The following ECSIT variants were observed in gnomAD, a reference collection of about 807,000 sequenced individuals.
The protein encoded by ECSIT is evolutionarily conserved signaling intermediate in Toll pathway, mitochondrial.
A neutral mutation model predicts 36.8 loss-of-function variants in ECSIT; 29 were observed. The observed-to-expected ratio is 0.79, with a 90% CI of 0.59 to 1.08. The LOEUF is 1.08. ECSIT is among the 50% of genes least tolerant of loss of function. ECSIT has a pLI of 0.00. For synonymous variants in ECSIT, 231 were observed against 234.8 expected (o/e 0.98, Z 0.15); for missense variants, 542 against 581.0 (o/e 0.93, Z 0.69).
In ECSIT at chr19:11,519,188, A is replaced by C; in HGVS notation, c.-18T>G. 6.5e-7 allele frequency: 1 copy of C among 1,543,880 alleles called. No homozygotes were observed. Among genetic ancestry groups the C allele is most frequent in the Admixed American group, 2.0e-5 (1 of 50,970 alleles). ...CAGCTCATGCCTCTGCTTGTCAGAC[A>C]ATCACCTGGCCCAAAAGAAGATTCA... On this transcript the variant is annotated 5_prime_UTR_variant, in exon 2 of 8. It adds an upstream start codon to the 5' untranslated region. Transcript: ENST00000270517. The surrounding 1 kb of genome is among the most constrained non-coding windows in gnomAD (Gnocchi z 4.4).
chr19:11,517,376 A>G (rs1285874824), intron 2 of ECSIT, among the ~76,000 whole-genome samples: 1 of 151,848 alleles, frequency 6.6e-6, no homozygotes, highest in Non-Finnish European at 1.5e-5. Flanking sequence ...CGGGTGGATC[A>G]CTTGAGGTCA....
intron 2 of ECSIT, among the ~76,000 whole-genome samples, chr19:11,518,341 C>T (rs774745203): frequency 1.6e-4 from 25 of 152,014 alleles, no homozygotes; most frequent in Non-Finnish European, 2.6e-4. Flanking sequence ...GCAGGAGAAT[C>T]ACTTGAACCC....
intron 7 of ECSIT, 120 bp downstream of exon 7, chr19:11,507,337 C>T: frequency 1.3e-6 from 1 of 755,196 alleles, no homozygotes; most frequent in South Asian, 1.4e-5. Context: ...AGTGCAGTGG[C>T]TCTATAATAG....
In ECSIT at chr19:11,508,049, C is replaced by T; in HGVS notation, c.739-1G>A. ...CTGTTGAGTCTTTGGGCAAAGGAAC[C>T]TGCAAGGGAGAGTAGGGATATAATC... is the stretch of plus-strand genomic sequence containing the variant. On this transcript the variant is annotated splice_acceptor_variant, in intron 4 of 7. Coordinates refer to ENST00000270517, the MANE Select transcript of ECSIT (RefSeq NM_016581.5). LOFTEE classifies it high-confidence loss of function. 1 of 1,614,162 alleles carries T rather than the reference C, an allele frequency of 6.2e-7. No individual in the cohort carries two copies. Among genetic ancestry groups the T allele is most frequent in the Non-Finnish European group, 8.5e-7 (1 of 1,180,038 alleles).
chr19:11,522,940 A>G (rs571122636), intron 1 of ECSIT, among the ~76,000 whole-genome samples: 9 of 152,008 alleles, frequency 5.9e-5, no homozygotes, highest in African/African-American at 9.6e-5. Context: ...GCGTGGTGGC[A>G]GGCACCTGTA....
intron 4 of ECSIT, among the ~76,000 whole-genome samples, chr19:11,511,957 C>G (rs1485071942): frequency 6.6e-6 from 1 of 150,854 alleles, no homozygotes; most frequent in Non-Finnish European, 1.5e-5. Flanking sequence ...CGCTTGAACC[C>G]GGGAGTCAGA....
chr19:11,513,554 G>T (rs1231724135), intron 3 of ECSIT, among the ~76,000 whole-genome samples: 3 of 138,354 alleles, frequency 2.2e-5, no homozygotes, highest in African/African-American at 8.0e-5. Flanking sequence ...GGAAGGGAGG[G>T]AGAGAGAGGC....
chr19:11,518,081 A>G (rs564286467), intron 2 of ECSIT, among the ~76,000 whole-genome samples: 3 of 151,538 alleles, frequency 2.0e-5, no homozygotes, highest in Admixed American at 6.6e-5. Flanking sequence ...CTGAGGGCCC[A>G]GAGGTTCAAG....
At chr19:11,509,589 G>A (rs1474608447) in intron 4 of ECSIT, among the ~76,000 whole-genome samples, 1 of 150,986 alleles carries the variant, frequency 6.6e-6, no homozygotes, top group Non-Finnish European at 1.5e-5. Context: ...CCAACATGGT[G>A]AAACCCCGTC....
chr19:11,526,651 A>G (rs1050983531), intron 1 of ECSIT, among the ~76,000 whole-genome samples: 5 of 150,952 alleles, frequency 3.3e-5, no homozygotes, highest in Non-Finnish European at 7.4e-5. Flanking sequence ...TGACTTGGAT[A>G]CCTATCAAGC....
At chr19:11,521,461 T>TC (rs1426057300) in intron 1 of ECSIT, among the ~76,000 whole-genome samples, 1 of 152,030 alleles carries the variant, frequency 6.6e-6, no homozygotes, top group African/African-American at 2.4e-5. Flanking sequence ...GTGGATTTTT[T>TC]TTTTTTTTTT....
chr19:11,512,917 T>A, intron 4 of ECSIT, 139 bp downstream of exon 4: 1 of 863,446 alleles, frequency 1.2e-6, no homozygotes, highest in South Asian at 1.4e-5. Flanking sequence ...CACTCCAGCC[T>A]GGGCAACAGA....
At chr19:11,510,350 A>AT (rs889607555) in intron 4 of ECSIT, among the ~76,000 whole-genome samples, 16 of 146,002 alleles carry the variant, frequency 1.1e-4, no homozygotes, top group Non-Finnish European at 1.8e-4. Flanking sequence ...TAATTTTCGT[A>AT]TTTTTTTGGT....
chr19:11,518,344 T>C (rs191879019), intron 2 of ECSIT, among the ~76,000 whole-genome samples: 153 of 152,118 alleles, frequency 1.0e-3, no homozygotes, highest in African/African-American at 3.6e-3. Flanking sequence ...GGAGAATCAC[T>C]TGAACCCAGG....
At chr19:11,513,339 G>T in intron 3 of ECSIT, 60 bp from the exon 4 acceptor site, 1 of 1,391,182 alleles carries the variant, frequency 7.2e-7, no homozygotes, top group Non-Finnish European at 1.0e-6. Flanking sequence ...GAAGGGAAGA[G>T]GAGAAAAGAA....
Position 11,519,476 on chromosome 19 carries a change from C to T in ECSIT, c.-23-283G>A, listed in dbSNP as rs371061829. The stretch of plus-strand genomic sequence containing the variant: ...CGTCGAGAAGCTGGGACTACAGACG[C>T]GTGCCACCATGCCCAGCTAATTTGA... On this transcript the variant is annotated intron_variant, in intron 1 of 7. Transcript: ENST00000270517. The surrounding 1 kb of genome is among the most constrained non-coding windows in gnomAD (Gnocchi z 4.4). 2.0e-5 allele frequency among the ~76,000 whole-genome samples: 3 copies of T among 152,104 alleles called. No individual in the cohort carries two copies. The highest frequency in any genetic ancestry group is 3.9e-4 in the East Asian group (2 of 5,186).
chr19:11,516,684 T>TAC (rs142103677), intron 2 of ECSIT, among the ~76,000 whole-genome samples: 7,803 of 148,302 alleles, frequency 0.053, 281 homozygotes, highest in African/African-American at 0.11. Context: ...TGTGTTTATC[T>TAC]ACACACACAC....
intron 7 of ECSIT, among the ~76,000 whole-genome samples, 176 bp downstream of exon 7, chr19:11,507,281 C>T (rs1971765620): frequency 7.1e-6 from 1 of 140,358 alleles, no homozygotes; most frequent in Non-Finnish European, 1.5e-5. Context: ...CAGGTTTTTG[C>T]CTTTTTTTTT....
intron 1 of ECSIT, chr19:11,522,570 C>G: frequency 3.1e-6 from 2 of 645,360 alleles, no homozygotes; most frequent in African/African-American, 1.8e-5. Flanking sequence ...AAAAATTAGC[C>G]AGTCATGGTG....
Sources: allele counts gnomAD v4.1 joint callset (sites outside exome capture counted in the v4.1 genomes callset), GRCh38; gene constraint gnomAD v4.1.1; non-coding constraint Gnocchi (gnomAD v3.1); transcripts MANE v1.5; gene names NCBI Gene and HGNC (gene_info 2026-07-23, HGNC 2026-07-21).